CYP3A5: variants seen among roughly 807,000 people sequenced by gnomAD.
CYP3A5 encodes cytochrome P450 3A5.
A neutral mutation model predicts 55.9 loss-of-function variants in CYP3A5; 51 were observed. The ratio of observed to expected loss-of-function variants is 0.91; its 90% CI spans 0.73 to 1.15. The LOEUF (loss-of-function observed/expected upper bound fraction) is 1.15. CYP3A5 is among the 50% of genes most tolerant of loss of function. The pLI is 0.00. For synonymous variants in CYP3A5, 196 were observed against 213.9 expected, an observed-to-expected ratio of 0.92 and a Z score of 0.73; for missense variants, 533 against 596.6, an observed-to-expected ratio of 0.89 and a Z score of 1.11.
At chr7:99,671,584 T>G (rs1811634837) in intron 4 of CYP3A5, 2 of 423,084 alleles carry the variant, frequency 4.7e-6, no homozygotes, top group East Asian at 7.6e-5. Context: ...ATGCAAATAT[T>G]AACACAAAAT....
chr7:99,665,982 A>G (rs540073912), intron 6 of CYP3A5, among the ~76,000 whole-genome samples: 1 of 152,340 alleles, frequency 6.6e-6, no homozygotes, highest in Admixed American at 6.5e-5. Context: ...GAGTGACCAC[A>G]TGTCCCAAGT....
intron 8 of CYP3A5, chr7:99,663,307 T>C: frequency 3.0e-6 from 3 of 994,540 alleles, no homozygotes; most frequent in Non-Finnish European, 3.6e-6. Context: ...AGCAGCTTTT[T>C]TGGGGGAGCA....
At chr7:99,659,075 C>T (rs917880130) in intron 10 of CYP3A5, 2 of 152,234 alleles carry the variant, frequency 1.3e-5, no homozygotes, top group African/African-American at 2.4e-5. Context: ...GCCTTCTTCT[C>T]TCAACTCGTC....
chr7:99,652,522 G>C (rs1809295784), intron 11 of CYP3A5, 31 bp downstream of exon 11: 2 of 1,518,896 alleles, frequency 1.3e-6, no homozygotes, highest in Admixed American at 1.8e-5. Context: ...GCCTGGGTCA[G>C]GGTGAGCTCC....
At chr7:99,658,196 G>A (rs1197902272) in intron 10 of CYP3A5, among the ~76,000 whole-genome samples, 2 of 152,122 alleles carry the variant, frequency 1.3e-5, no homozygotes, top group Non-Finnish European at 2.9e-5. Context: ...TTACAATTTG[G>A]CATGTTTTTG....
chr7:99,662,689 A>C lies in CYP3A5; in HGVS notation c.865+127T>G, dbSNP rs1810569511. 1.2e-6 allele frequency: 1 copy of C among 868,642 alleles called. No individual in the cohort carries two copies. Among genetic ancestry groups the C allele is most frequent in the Non-Finnish European group, 1.8e-6 (1 of 541,118 alleles). The allele number at this position is 868,642 out of a possible 1,614,324, so 53.8% of individuals were successfully genotyped here. A position where few individuals can be genotyped will look rare whatever the true frequency, so the allele number is the denominator to read the frequency against. On this transcript the variant is annotated intron_variant, in intron 9 of 12. Coordinates refer to ENST00000222982, the MANE Select transcript of CYP3A5 (RefSeq NM_000777.5). This position sits in a 1 kb window ranked among gnomAD's most constrained non-coding sequence, Gnocchi z 4.3. ...CCTCCAGCTACCATTTATAACATCT[A>C]AATGTGTGTTGTTCTGCTATGTGGC...
intron 10 of CYP3A5, among the ~76,000 whole-genome samples, chr7:99,658,163 T>C (rs1397032365): frequency 6.6e-6 from 1 of 152,206 alleles, no homozygotes; most frequent in Non-Finnish European, 1.5e-5. Flanking sequence ...GTTGATGCAG[T>C]TTCTCCTTAG....
chr7:99,650,689 CTCT>C (rs1241446257), intron 11 of CYP3A5, among the ~76,000 whole-genome samples: 10 of 152,102 alleles, frequency 6.6e-5, no homozygotes, highest in African/African-American at 2.4e-4. Context: ...CTCCTGTCAT[CTCT>C]TTTTTTCTAA....
chr7:99,678,028 A>G (rs1812461919), intron 1 of CYP3A5, among the ~76,000 whole-genome samples: 1 of 152,188 alleles, frequency 6.6e-6, no homozygotes, highest in African/African-American at 2.4e-5. Flanking sequence ...CAGTGAAGAG[A>G]CTAACAGAAA....
Position 99,652,631 on chromosome 7 carries a change from G to A in CYP3A5, c.1175C>T (p.Ser392Leu). ...AGCATAAGTTGGAATCACCACCATT[G>A]ACCCTTTGGGAATGAATACCCCATT... is the stretch of plus-strand genomic sequence containing the variant. Reference protein sequence around the residue: ...EINGVFIPKGSMVVIPTYALH... With the variant: ...EINGVFIPKGLMVVIPTYALH... Residue 392 changes from serine (S) to leucine (L), a missense_variant, in exon 11 of 13, where the codon TCA becomes TTA. Ser to Leu is a moderately radical substitution (Grantham distance 145). Coordinates refer to ENST00000222982, the MANE Select transcript of CYP3A5 (RefSeq NM_000777.5). 1 of 1,614,040 alleles carries A rather than the reference G, an allele frequency of 6.2e-7. No individual in the cohort carries two copies.
chr7:99,676,299 G>A, intron 1 of CYP3A5, 91 bp from the exon 2 acceptor site: 1 of 1,594,474 alleles, frequency 6.3e-7, no homozygotes, highest in Non-Finnish European at 8.6e-7. Context: ...ATGGTCAAGA[G>A]AGGGAGGTAA....
intron 10 of CYP3A5, among the ~76,000 whole-genome samples, chr7:99,655,638 C>G (rs963967790): frequency 6.6e-6 from 1 of 152,096 alleles, no homozygotes; most frequent in Non-Finnish European, 1.5e-5. Context: ...AGCTTGATGG[C>G]GATGGCACTG....
rs1432960682 is a variant in CYP3A5, at chr7:99,666,592, C to T, written c.521+9G>A. ...CAGCTCAGAACCCCATGGCTGTGCT[C>T]CTACTTACTCTTTCAAGGTGACAGG... On this transcript the variant is annotated intron_variant, in intron 6 of 12. Transcript: ENST00000222982. The T allele has an allele frequency of 3.1e-6, 5 of 1,613,186 alleles. No homozygotes were observed. The highest frequency in any genetic ancestry group is 1.7e-6 in the Non-Finnish European group (2 of 1,179,338).
intron 3 of CYP3A5, among the ~76,000 whole-genome samples, chr7:99,673,597 G>T (rs1215031694): frequency 6.6e-6 from 1 of 152,168 alleles, no homozygotes; most frequent in Non-Finnish European, 1.5e-5. Context: ...TAAAAAAGTG[G>T]AGCATAAGTG....
intron 10 of CYP3A5, among the ~76,000 whole-genome samples, chr7:99,654,188 G>A (rs887269254): frequency 6.6e-6 from 1 of 151,942 alleles, no homozygotes; most frequent in Non-Finnish European, 1.5e-5. Context: ...CCATTAACTC[G>A]TCATTTAACA....
intron 11 of CYP3A5, 108 bp from the exon 12 acceptor site, chr7:99,650,340 G>A (rs1809051082): frequency 1.0e-6 from 1 of 982,438 alleles, no homozygotes; most frequent in Non-Finnish European, 1.5e-6. Context: ...CCAACCAGTA[G>A]TACACAGGAT....
At chr7:99,654,390 G>A (rs1237349961) in intron 10 of CYP3A5, among the ~76,000 whole-genome samples, 3 of 152,118 alleles carry the variant, frequency 2.0e-5, no homozygotes, top group African/African-American at 4.8e-5. Context: ...CTTCATCCAT[G>A]TCTCTACAAA....
chr7:99,656,569 T>G (rs983629251), intron 10 of CYP3A5, among the ~76,000 whole-genome samples: 1 of 152,208 alleles, frequency 6.6e-6, no homozygotes, highest in African/African-American at 2.4e-5. Flanking sequence ...CTGCCAGGCT[T>G]TGGTATCAGG....
intron 10 of CYP3A5, chr7:99,660,077 C>T: frequency 2.3e-6 from 1 of 442,834 alleles, no homozygotes; most frequent in Non-Finnish European, 3.0e-6. Flanking sequence ...CTGTCCTGCA[C>T]CCACTCTCCA....
Sources: allele counts gnomAD v4.1 joint callset (sites outside exome capture counted in the v4.1 genomes callset), GRCh38; gene constraint gnomAD v4.1.1; non-coding constraint Gnocchi (gnomAD v3.1); transcripts MANE v1.5; gene names NCBI Gene and HGNC (gene_info 2026-07-23, HGNC 2026-07-21).